The following FHIT variants were observed in gnomAD, a reference collection of about 807,000 sequenced individuals.
FHIT encodes bis(5'-adenosyl)-triphosphatase.
In FHIT, 19 loss-of-function variants were observed where a neutral mutation model predicts 17.9. The ratio of observed to expected loss-of-function variants is 1.06; its 90% CI spans 0.74 to 1.56. The LOEUF (loss-of-function observed/expected upper bound fraction) is 1.56. Ranked by LOEUF, FHIT falls within the 40% of genes most tolerant of loss-of-function variation. The pLI is 0.00. For missense variants in FHIT, 248 were observed against 189.2 expected (o/e 1.31, Z -1.82); for synonymous variants, 81 against 69.7 (o/e 1.16, Z -0.81).
At chr3:59,938,864 G>A (rs902972355) in intron 7 of FHIT, among the ~76,000 whole-genome samples, 33 of 152,096 alleles carry the variant, frequency 2.2e-4, no homozygotes, top group African/African-American at 5.6e-4. Context: ...AAATGACTCC[G>A]ATTAGGACAA....
At position 60,719,296 on chromosome 3, in the gene FHIT, C is replaced by A. The variant is rs887407939; in HGVS notation, c.-18+102623G>T. ...CCTTTTAACTACACTCCAATTTGAC[C>A]TTAAAAATCTATGCTAAAAATAACT... On this transcript the variant is annotated intron_variant, in intron 4 of 9. Transcript: ENST00000492590. Among the ~76,000 whole-genome samples the A allele has an allele frequency of 2.0e-5, 3 of 152,248 alleles. 1 individual carries two copies. In the South Asian group the frequency reaches 6.2e-4, roughly 32 times the overall value.
At chr3:59,927,169 G>T (rs1268262155) in intron 7 of FHIT, among the ~76,000 whole-genome samples, 1 of 152,162 alleles carries the variant, frequency 6.6e-6, no homozygotes, top group African/African-American at 2.4e-5. Flanking sequence ...CTGAGTGAAA[G>T]CATCATGCTC....
At chr3:60,197,835 C>A (rs1045408899) in intron 5 of FHIT, among the ~76,000 whole-genome samples, 65 of 152,128 alleles carry the variant, frequency 4.3e-4, no homozygotes, top group African/African-American at 1.5e-3. Flanking sequence ...CTGGTTCTGG[C>A]CTTTTGAACC....
chr3:59,765,998 G>A (rs868332449), intron 8 of FHIT, among the ~76,000 whole-genome samples: 2 of 152,064 alleles, frequency 1.3e-5, no homozygotes, highest in Non-Finnish European at 2.9e-5. Flanking sequence ...CACACTTTAG[G>A]AATCCATAGA....
At chr3:59,808,270 G>C (rs564289029) in intron 8 of FHIT, among the ~76,000 whole-genome samples, 92 of 152,274 alleles carry the variant, frequency 6.0e-4, no homozygotes, top group African/African-American at 2.0e-3. Context: ...AGGGGGCTTG[G>C]TAATGACTTA....
chr3:59,810,844 T>C (rs1458087354), intron 8 of FHIT, among the ~76,000 whole-genome samples: 1 of 152,240 alleles, frequency 6.6e-6, no homozygotes, highest in Non-Finnish European at 1.5e-5. Flanking sequence ...TTCTGCTTTC[T>C]GAATTAATAA....
intron 5 of FHIT, among the ~76,000 whole-genome samples, chr3:60,206,610 A>T (rs989278195): frequency 6.6e-6 from 1 of 152,224 alleles, no homozygotes; most frequent in Non-Finnish European, 1.5e-5. Context: ...CGAATTTATC[A>T]ATCACGGAAT....
In FHIT at chr3:60,095,290, G is replaced by C. The variant is rs567300266; in HGVS notation, c.104-81138C>G. On this transcript the variant is annotated intron_variant, in intron 5 of 9. Coordinates refer to ENST00000492590, the MANE Select transcript of FHIT (RefSeq NM_002012.4). ...ATTTAACACCCAAATGAAACAGGTGGAATGTTTAAAGATCTGTAGAAAGTC... is the reference window on the plus strand; with the variant it reads ...ATTTAACACCCAAATGAAACAGGTGCAATGTTTAAAGATCTGTAGAAAGTC... Among the ~76,000 whole-genome samples, 4 of 152,294 alleles carry C rather than the reference G, an allele frequency of 2.6e-5. No homozygotes were observed. In the South Asian group the frequency reaches 8.3e-4, roughly 32 times the overall value.
chr3:60,131,054 C>CATATGTGTATAT (rs762804235), intron 5 of FHIT, among the ~76,000 whole-genome samples: 12 of 74,218 alleles, frequency 1.6e-4, no homozygotes, highest in African/African-American at 6.2e-4. Context: ...CACATATATA[C>CATATGTGTATAT]ATACATACAC....
chr3:60,955,612 A>ATG (rs1559862309), intron 3 of FHIT, among the ~76,000 whole-genome samples: 25 of 9,720 alleles, frequency 2.6e-3, no homozygotes, highest in Middle Eastern at 0.042. Flanking sequence ...ATATATATAT[A>ATG]TATATATATA....
rs999911382 is a variant in FHIT, at chr3:60,016,937, T to C, written c.104-2785A>G. Among the ~76,000 whole-genome samples the C allele has an allele frequency of 3.3e-5, 5 of 152,306 alleles. No homozygotes were observed. The South Asian group carries it at 1.0e-3, about 32-fold the overall frequency. ...CCATAAACTATTAATACTATTATAATTCCCATGTTGAAGATGAATTATAAG... is the reference window on the plus strand; with the variant it reads ...CCATAAACTATTAATACTATTATAACTCCCATGTTGAAGATGAATTATAAG... On this transcript the variant is annotated intron_variant, in intron 5 of 9. Coordinates refer to ENST00000492590, the MANE Select transcript of FHIT (RefSeq NM_002012.4).
chr3:61,059,592 T>G (rs17064396), intron 2 of FHIT, among the ~76,000 whole-genome samples: 1 of 152,100 alleles, frequency 6.6e-6, no homozygotes, highest in African/African-American at 2.4e-5. Context: ...TAGGAGGAAA[T>G]GGAGACCTTA....
intron 5 of FHIT, among the ~76,000 whole-genome samples, chr3:60,290,113 C>G (rs1187867463): frequency 6.6e-6 from 1 of 152,140 alleles, no homozygotes; most frequent in African/African-American, 2.4e-5. Flanking sequence ...ACCTCTTATG[C>G]TTCAGCATTC....
At chr3:60,909,548 G>A (rs1234497318) in intron 3 of FHIT, among the ~76,000 whole-genome samples, 2 of 152,046 alleles carry the variant, frequency 1.3e-5, no homozygotes, top group African/African-American at 2.4e-5. Context: ...TTTGGATACA[G>A]CACACTCCAC....
intron 5 of FHIT, among the ~76,000 whole-genome samples, chr3:60,293,050 A>T (rs1398503083): frequency 6.6e-6 from 1 of 152,204 alleles, no homozygotes; most frequent in African/African-American, 2.4e-5. Context: ...CATATAGTAC[A>T]TTAAACCCAC....
chr3:60,492,781 T>C (rs1333434468), intron 5 of FHIT, among the ~76,000 whole-genome samples: 1 of 152,118 alleles, frequency 6.6e-6, no homozygotes, highest in African/African-American at 2.4e-5. Context: ...AGCAATTTTT[T>C]AGTTTGACTG....
intron 8 of FHIT, among the ~76,000 whole-genome samples, chr3:59,846,832 G>GC (rs1701738340): frequency 6.6e-6 from 1 of 152,094 alleles, no homozygotes; most frequent in African/African-American, 2.4e-5. Context: ...TACTTCTTTT[G>GC]CAGTACAGTT....
Position 59,752,264 on chromosome 3 carries a change from C to T in FHIT, c.406G>A (p.Ala136Thr), listed in dbSNP as rs1191793410. The T allele has an allele frequency of 9.9e-6, 16 of 1,613,166 alleles. No homozygotes were observed. Among genetic ancestry groups the T allele is most frequent in the African/African-American group, 2.7e-5 (2 of 74,868 alleles). The change falls in exon 9 of 10, where the codon GCA (alanine) becomes ACA (threonine). Residue 136 changes from alanine to threonine, a missense_variant. By Grantham distance (58) the Ala-to-Thr change is moderately conservative. Coordinates refer to ENST00000492590, the MANE Select transcript of FHIT (RefSeq NM_002012.4). ...PASWRSEEEM[A>T]AEAAALRVYF... ...ACCCGCAGAGCTGCGGCTTCTGCTGCCATTTCCTCCTCTGATCTCCAAGAG... is the reference window on the plus strand; with the variant it reads ...ACCCGCAGAGCTGCGGCTTCTGCTGTCATTTCCTCCTCTGATCTCCAAGAG...
In FHIT at chr3:60,742,827, T is replaced by C. The variant is rs2042266377; in HGVS notation, c.-18+79092A>G. Among the ~76,000 whole-genome samples the C allele has an allele frequency of 2.0e-5, 3 of 152,200 alleles. No individual in the cohort carries two copies. The South Asian group carries it at 6.2e-4, about 31-fold the overall frequency. ...AAGGATATCAAATGACAGTATACCA[T>C]GACAATCACAACTAATCGAAGTCCC... is the stretch of plus-strand genomic sequence containing the variant. On this transcript the variant is annotated intron_variant, in intron 4 of 9. Transcript: ENST00000492590.
Sources: allele counts gnomAD v4.1 joint callset (sites outside exome capture counted in the v4.1 genomes callset), GRCh38; gene constraint gnomAD v4.1.1; transcripts MANE v1.5; gene names NCBI Gene and HGNC (gene_info 2026-07-23, HGNC 2026-07-21).